The following NAALAD2 variants were observed in gnomAD, a reference collection of about 807,000 sequenced individuals.
NAALAD2 encodes N-acetylated-alpha-linked acidic dipeptidase 2.
A neutral mutation model predicts 95.6 loss-of-function variants in NAALAD2; 89 were observed. The observed-to-expected ratio is 0.93, with a 90% CI of 0.78 to 1.11. The LOEUF (loss-of-function observed/expected upper bound fraction) is 1.11. Among genes scored for constraint, NAALAD2 ranks in the 50% least tolerant of loss-of-function variants. NAALAD2 has a pLI of 0.00. For synonymous variants in NAALAD2, 264 were observed against 294.4 expected (o/e 0.90, Z 1.06); for missense variants, 894 against 872.4 (o/e 1.02, Z -0.31).
At chr11:90,183,059 C>A in intron 18 of NAALAD2, 51 bp downstream of exon 18, 1 of 1,383,332 alleles carries the variant, frequency 7.2e-7, no homozygotes, top group Non-Finnish European at 1.0e-6. Flanking sequence ...AACCAGCATA[C>A]CTAAAGTTGG....
At chr11:90,173,601 C>A (rs1449159505) in intron 13 of NAALAD2, among the ~76,000 whole-genome samples, 1 of 151,990 alleles carries the variant, frequency 6.6e-6, no homozygotes, top group African/African-American at 2.4e-5. Flanking sequence ...GCAAAATTAC[C>A]AACACAGGTA....
chr11:90,136,853 G>A (rs1370955827), intron 2 of NAALAD2, among the ~76,000 whole-genome samples: 1 of 152,066 alleles, frequency 6.6e-6, no homozygotes, highest in African/African-American at 2.4e-5. Flanking sequence ...AAAAGTGGTT[G>A]CATCATTTTG....
intron 6 of NAALAD2, among the ~76,000 whole-genome samples, chr11:90,154,101 A>G (rs1415967961): frequency 7.1e-6 from 1 of 140,214 alleles, no homozygotes; most frequent in Non-Finnish European, 1.6e-5. Flanking sequence ...TTTTTGCTTT[A>G]TTGTACTGGC....
At chr11:90,167,940 G>C (rs1591002775) in intron 11 of NAALAD2, among the ~76,000 whole-genome samples, 1 of 152,154 alleles carries the variant, frequency 6.6e-6, no homozygotes, top group Non-Finnish European at 1.5e-5. Context: ...GAGAATAAAA[G>C]CAGGCTGCCG....
At chr11:90,139,644 C>T (rs891221225) in intron 2 of NAALAD2, among the ~76,000 whole-genome samples, 3 of 152,126 alleles carry the variant, frequency 2.0e-5, no homozygotes, top group Non-Finnish European at 4.4e-5. Context: ...CTATTCTCCA[C>T]CTTTACCTTC....
Position 90,150,510 on chromosome 11 carries a change from G to T in NAALAD2, c.512G>T (p.Arg171Leu), listed in dbSNP as rs776929698. The T allele has an allele frequency of 2.5e-6, 4 of 1,609,246 alleles. No homozygotes were observed. The highest frequency in any genetic ancestry group is 2.5e-6 in the Non-Finnish European group (3 of 1,177,142). ...EGDLVYVNYA[R>L]TEDFFKLERE... is the part of the protein sequence containing the mutation. ...GATCTTGTATATGTGAACTATGCTC[G>T]CACTGAAGACTTTTTCAAACTAGAA... The change falls in exon 5 of 19, where the codon CGC becomes CTC. Residue 171 changes from arginine (R) to leucine (L), a missense_variant. Arg to Leu is a moderately radical substitution (Grantham distance 102). Coordinates refer to ENST00000534061, the MANE Select transcript of NAALAD2 (RefSeq NM_005467.4).
At chr11:90,149,355 ACT>A (rs2134862047) in intron 4 of NAALAD2, among the ~76,000 whole-genome samples, 1 of 152,212 alleles carries the variant, frequency 6.6e-6, no homozygotes, top group Non-Finnish European at 1.5e-5. Context: ...AGCAGTTGCC[ACT>A]CTCTGAAATA....
rs138601382 is a variant in NAALAD2 at position 90,158,237 on chromosome 11, C to T, written c.889C>T (p.Arg297Cys). Residue 297 changes from arginine (R) to cysteine (C), a missense_variant and splice_region_variant, in exon 7 of 19, where the codon CGC becomes TGC. By Grantham distance (180) the Arg-to-Cys change is radical. Transcript: ENST00000534061. ...ATATAATGATGCAGAAATATTATTA[C>T]GGTATAGTTTTCTTGTTGGATATGA... ...IGYNDAEILL[R>C]YLGGIAPPDK... The T allele has an allele frequency of 4.2e-5, 67 of 1,599,212 alleles. No homozygotes were observed. Among genetic ancestry groups the T allele is most frequent in the Admixed American group, 6.7e-5 (4 of 59,656 alleles).
At chr11:90,134,991 C>T (rs1382329473) in intron 1 of NAALAD2, 151 bp downstream of exon 1, 2 of 719,546 alleles carry the variant, frequency 2.8e-6, no homozygotes, top group Non-Finnish European at 4.7e-6. Context: ...TTCAGCAAAA[C>T]TAGAAACCAG....
chr11:90,173,758 G>T, intron 13 of NAALAD2, 66 bp from the exon 14 acceptor site: 1 of 1,098,106 alleles, frequency 9.1e-7, no homozygotes, highest in Non-Finnish European at 1.3e-6. Flanking sequence ...ATAATATATA[G>T]TTTTATTTTG....
intron 18 of NAALAD2, among the ~76,000 whole-genome samples, chr11:90,189,829 G>C (rs894688452): frequency 2.0e-5 from 3 of 152,026 alleles, no homozygotes; most frequent in Non-Finnish European, 4.4e-5. Flanking sequence ...ACTATGTACT[G>C]AGGGGAAGGT....
intron 18 of NAALAD2, among the ~76,000 whole-genome samples, chr11:90,190,383 C>T (rs1857289524): frequency 6.6e-6 from 1 of 152,168 alleles, no homozygotes; most frequent in Non-Finnish European, 1.5e-5. Flanking sequence ...TCAGTCACTA[C>T]TCTAAGCAGA....
chr11:90,176,170 A>G (rs1952789953), intron 15 of NAALAD2, 108 bp downstream of exon 15: 2 of 739,870 alleles, frequency 2.7e-6, no homozygotes, highest in South Asian at 1.7e-5. Context: ...TGGCCTGGGA[A>G]GAGTTCCCAG....
intron 6 of NAALAD2, among the ~76,000 whole-genome samples, chr11:90,153,635 T>C (rs956592439): frequency 3.2e-4 from 49 of 152,056 alleles, no homozygotes; most frequent in Admixed American, 2.4e-3. Flanking sequence ...ATAAATCAAT[T>C]TGGGGAGAAT....
At chr11:90,154,882 AATAT>A (rs67760649) in intron 6 of NAALAD2, among the ~76,000 whole-genome samples, 2,378 of 80,018 alleles carry the variant, frequency 0.03, 58 homozygotes, top group Non-Finnish European at 0.044. Context: ...ACGTATACAT[AATAT>A]ATGTATATAT....
At chr11:90,177,809 A>G in intron 15 of NAALAD2, 44 bp from the exon 16 acceptor site, 1 of 1,509,900 alleles carries the variant, frequency 6.6e-7, no homozygotes, top group Non-Finnish European at 9.0e-7. Context: ...TATAACTTGA[A>G]TATTTAATGT....
At chr11:90,132,226 C>G (rs780336732), upstream of NAALAD2, 2 of 152,570 alleles carry the variant, frequency 1.3e-5, no homozygotes, top group Non-Finnish European at 2.9e-5. Context: ...ATTCTTGGAA[C>G]TCTTTAATCT....
rs149998034 is a variant in NAALAD2 at position 90,135,649 on chromosome 11, A to G, written c.173A>G (p.Glu58Gly). Reference protein sequence around the residue: ...RWKLVSEMKAENIKSFLRSFT... With the variant: ...RWKLVSEMKAGNIKSFLRSFT... ...AAACTGGTATCCGAAATGAAAGCTG[A>G]AAACATCAAATCATTTCTTCGGTAA... is the stretch of plus-strand genomic sequence containing the variant. The change falls in exon 2 of 19, where the codon GAA (glutamate) becomes GGA (glycine). Residue 58 changes from glutamate (E) to glycine (G), a missense_variant. Coordinates refer to ENST00000534061, the MANE Select transcript of NAALAD2 (RefSeq NM_005467.4). 1.0e-4 allele frequency: 164 copies of G among 1,612,680 alleles called. No individual in the cohort carries two copies. Among genetic ancestry groups the G allele is most frequent in the Non-Finnish European group, 1.3e-4 (149 of 1,179,212 alleles).
chr11:90,170,684 C>A (rs1303876351), intron 13 of NAALAD2, among the ~76,000 whole-genome samples: 4 of 152,050 alleles, frequency 2.6e-5, no homozygotes, highest in African/African-American at 4.8e-5. Context: ...AATATTAAAT[C>A]CTGAGGTGGC....
Sources: gnomAD v4.1 joint callset for allele counts (sites outside exome capture counted in the v4.1 genomes callset) on GRCh38, gnomAD v4.1.1 for gene constraint, MANE v1.5 for transcripts, NCBI Gene and HGNC (gene_info 2026-07-23, HGNC 2026-07-21) for gene names.